PTCHD4: variants seen among roughly 807,000 people sequenced by gnomAD.
PTCHD4 encodes the protein patched domain containing 4, also known as patched domain-containing protein 4.
Under a neutral mutation model 58.1 loss-of-function variants are expected in PTCHD4, and 33 were observed. The ratio of observed to expected loss-of-function variants is 0.57; its 90% CI spans 0.43 to 0.76. PTCHD4 has a LOEUF of 0.76. PTCHD4 is among the 30% of genes least tolerant of loss of function. The probability of loss-of-function intolerance (pLI) is 0.00; values close to 1 mark genes in which losing one functional copy is unlikely to be tolerated. For synonymous variants in PTCHD4, 478 were observed against 409.6 expected (o/e 1.17, Z -2.02); for missense variants, 1,058 against 1,027.1 (o/e 1.03, Z -0.41).
In PTCHD4 at chr6:47,876,429, A is replaced by G. The variant is rs1228560182; in HGVS notation, c.*1874T>C. 6.6e-6 allele frequency among the ~76,000 whole-genome samples: 1 copy of G among 151,916 alleles called. No individual in the cohort carries two copies. Among genetic ancestry groups the G allele is most frequent in the African/African-American group, 2.4e-5 (1 of 41,406 alleles). On this transcript the variant is annotated 3_prime_UTR_variant, in exon 5 of 5. Transcript: ENST00000339488. ...AATGAAATATTACTTAAATGTTTTCATTTTAGGGTCTGTTCCCTTTCCCCT... is the reference window on the plus strand; with the variant it reads ...AATGAAATATTACTTAAATGTTTTCGTTTTAGGGTCTGTTCCCTTTCCCCT...
chr6:47,870,535 A>G lies in PTCHD4; in HGVS notation c.*7768T>C, dbSNP rs773065784. On this transcript the variant is annotated 3_prime_UTR_variant, in exon 5 of 5. Coordinates refer to ENST00000339488, the MANE Select transcript of PTCHD4 (RefSeq NM_001384253.1). The stretch of plus-strand genomic sequence containing the variant: ...AAAATGTTTTTTCACTGATCAACAT[A>G]GAGGTAAATTTTGATAATGGACCAA... Among the ~76,000 whole-genome samples the G allele has an allele frequency of 6.6e-5, 10 of 151,676 alleles. No individual in the cohort carries two copies. Among genetic ancestry groups the G allele is most frequent in the Non-Finnish European group, 1.2e-4 (8 of 67,742 alleles).
intron 4 of PTCHD4, among the ~76,000 whole-genome samples, chr6:47,998,311 T>C (rs969015760): frequency 6.6e-6 from 1 of 152,160 alleles, no homozygotes; most frequent in African/African-American, 2.4e-5. Flanking sequence ...CCCTCCCTGC[T>C]TAGCTATTCA....
intron 4 of PTCHD4, among the ~76,000 whole-genome samples, chr6:47,926,892 T>C (rs1026281813): frequency 1.3e-5 from 2 of 152,210 alleles, no homozygotes; most frequent in African/African-American, 2.4e-5. Context: ...ACTATTACTG[T>C]TTTCTCATTG....
chr6:48,036,537 A>G (rs529227154), intron 3 of PTCHD4, among the ~76,000 whole-genome samples: 1 of 152,276 alleles, frequency 6.6e-6, no homozygotes, highest in African/African-American at 2.4e-5. Context: ...CAGAGAAACC[A>G]CACTGTAGAT....
At chr6:48,100,818 G>T (rs1025947627) in intron 1 of PTCHD4, among the ~76,000 whole-genome samples, 2 of 151,964 alleles carry the variant, frequency 1.3e-5, no homozygotes, top group African/African-American at 4.8e-5. Context: ...ATTTTGAGTC[G>T]TGCATCTACC....
At chr6:47,907,525 C>T (rs1384455752) in intron 4 of PTCHD4, among the ~76,000 whole-genome samples, 1 of 152,146 alleles carries the variant, frequency 6.6e-6, no homozygotes, top group Non-Finnish European at 1.5e-5. Flanking sequence ...GGGATGAATG[C>T]CCTCTGTTTT....
chr6:48,017,019 A>C (rs547967914), intron 3 of PTCHD4, among the ~76,000 whole-genome samples: 1 of 152,302 alleles, frequency 6.6e-6, no homozygotes, highest in African/African-American at 2.4e-5. Context: ...AGATATTGGA[A>C]AGTTTTAGAT....
chr6:47,989,758 C>A (rs1768211964), intron 4 of PTCHD4, among the ~76,000 whole-genome samples: 1 of 152,192 alleles, frequency 6.6e-6, no homozygotes, highest in Admixed American at 6.5e-5. Flanking sequence ...GGGGCGAGGC[C>A]CTCATGGAGA....
rs1296408282 is a variant in PTCHD4, at chr6:48,080,257, A to C, written c.-969-10331T>G. On this transcript the variant is annotated intron_variant, in intron 1 of 4. Coordinates refer to ENST00000339488, the MANE Select transcript of PTCHD4 (RefSeq NM_001384253.1). ...GGCAAATATTCAGCCTTTTAGCTAA[A>C]AAAAAGCAATGTAAACAAAATGAGT... Among the ~76,000 whole-genome samples the C allele has an allele frequency of 2.0e-5, 3 of 152,360 alleles. No individual in the cohort carries two copies. The East Asian group carries it at 5.8e-4, about 29-fold the overall frequency.
rs371978067 is a variant in PTCHD4, at chr6:48,008,766, G to A, written c.766C>T (p.Arg256Cys). 1.7e-5 allele frequency: 27 copies of A among 1,613,922 alleles called. No individual in the cohort carries two copies. The highest frequency in any genetic ancestry group is 2.2e-5 in the East Asian group (1 of 44,868). The change falls in exon 4 of 5, where the codon CGC becomes TGC. Residue 256 changes from arginine (R) to cysteine (C), a missense_variant. By Grantham distance (180) the Arg-to-Cys change is radical. Coordinates refer to ENST00000339488, the MANE Select transcript of PTCHD4 (RefSeq NM_001384253.1). The stretch of plus-strand genomic sequence containing the variant: ...AGGAGGCCCAGGAAGGGCTTACTGC[G>A]CAAGCAGTCCTTCATGGAGCTGGAG... ...TLSSSMKDCL[R>C]SKPFLGLLGV...
chr6:47,888,371 G>A (rs957409446), intron 4 of PTCHD4, among the ~76,000 whole-genome samples: 13 of 152,040 alleles, frequency 8.6e-5, no homozygotes, highest in Admixed American at 7.2e-4. Flanking sequence ...AAAAAGAGTA[G>A]ATGGGAAAAG....
intron 4 of PTCHD4, among the ~76,000 whole-genome samples, chr6:47,960,684 A>T (rs1007322292): frequency 6.6e-6 from 1 of 152,016 alleles, no homozygotes; most frequent in Admixed American, 6.6e-5. Flanking sequence ...TAATAACTAG[A>T]TCCTAATGAA....
rs1272704372 is a variant in PTCHD4 at position 47,860,293 on chromosome 6, C to G, written c.*18010G>C. Among the ~76,000 whole-genome samples, 3 of 151,866 alleles carry G rather than the reference C, an allele frequency of 2.0e-5. No homozygotes were observed. The highest frequency in any genetic ancestry group is 7.3e-5 in the African/African-American group (3 of 41,338). On this transcript the variant is annotated 3_prime_UTR_variant, in exon 5 of 5. Coordinates refer to ENST00000339488, the MANE Select transcript of PTCHD4 (RefSeq NM_001384253.1). Reference sequence around the variant, plus strand: ...ATCCCATATAGCACATGATGTTAAACTCAAGGTAATCAAGAAAGAAATGAA... The same window carrying G: ...ATCCCATATAGCACATGATGTTAAAGTCAAGGTAATCAAGAAAGAAATGAA...
chr6:48,079,632 C>A (rs2396848), intron 1 of PTCHD4, among the ~76,000 whole-genome samples: 24,347 of 149,906 alleles, frequency 0.16, 2,026 homozygotes, highest in African/African-American at 0.21. Context: ...TCTAGTAGGG[C>A]GGAGTGTTTG....
chr6:48,020,751 G>A (rs746368608), intron 3 of PTCHD4, among the ~76,000 whole-genome samples: 3 of 152,158 alleles, frequency 2.0e-5, no homozygotes, highest in Non-Finnish European at 4.4e-5. Context: ...GTGAAGATAC[G>A]TGCTGGGGCT....
At chr6:48,106,410 G>A (rs1020938135) in intron 1 of PTCHD4, among the ~76,000 whole-genome samples, 4 of 152,092 alleles carry the variant, frequency 2.6e-5, no homozygotes, top group Non-Finnish European at 4.4e-5. Flanking sequence ...AATGCTTCAC[G>A]CTAAAAATTC....
intron 4 of PTCHD4, among the ~76,000 whole-genome samples, chr6:47,987,535 G>A (rs1768115381): frequency 6.6e-6 from 1 of 151,566 alleles, no homozygotes; most frequent in South Asian, 2.1e-4. Context: ...TAAAAAAAAT[G>A]CTAAATGCTT....
chr6:48,019,190 T>C (rs1318212808), intron 3 of PTCHD4, among the ~76,000 whole-genome samples: 4 of 152,196 alleles, frequency 2.6e-5, no homozygotes, highest in Non-Finnish European at 4.4e-5. Flanking sequence ...TACCCAAGGA[T>C]GTGACACACA....
intron 4 of PTCHD4, among the ~76,000 whole-genome samples, chr6:47,945,664 T>G (rs1318121681): frequency 6.6e-6 from 1 of 151,960 alleles, no homozygotes; most frequent in East Asian, 1.9e-4. Context: ...TGAAGTTTAT[T>G]TACTTTCATT....
Sources: gnomAD v4.1 joint callset for allele counts (sites outside exome capture counted in the v4.1 genomes callset) on GRCh38, gnomAD v4.1.1 for gene constraint, MANE v1.5 for transcripts, NCBI Gene and HGNC (gene_info 2026-07-23, HGNC 2026-07-21) for gene names.